GRIK5: variants seen among roughly 807,000 people sequenced by gnomAD.
GRIK5 encodes the protein glutamate receptor ionotropic, kainate 5.
In GRIK5, 43 loss-of-function variants were observed where a neutral mutation model predicts 97.4. The ratio of observed to expected loss-of-function variants is 0.44; its 90% confidence interval spans 0.35 to 0.57. The LOEUF (loss-of-function observed/expected upper bound fraction) is 0.57. Ranked by LOEUF, GRIK5 falls within the 20% of genes least tolerant of loss-of-function variation. GRIK5 has a pLI of 0.01. For synonymous variants in GRIK5, 580 were observed against 583.5 expected (o/e 0.99, Z 0.09); for missense variants, 1,015 against 1,382.0 (o/e 0.73, Z 4.21).
intron 1 of GRIK5, among the ~76,000 whole-genome samples, chr19:42,066,089 C>A (rs1261887289): frequency 6.6e-6 from 1 of 152,120 alleles, no homozygotes; most frequent in East Asian, 1.9e-4. Flanking sequence ...ATGGGCACAG[C>A]TACCAAAACA....
chr19:42,000,561 T>C (rs1349806137), intron 19 of GRIK5, among the ~76,000 whole-genome samples: 3 of 152,138 alleles, frequency 2.0e-5, no homozygotes, highest in African/African-American at 4.8e-5. Context: ...CTATCAGATA[T>C]CCAAGTGGAG....
chr19:42,065,161 G>A lies in GRIK5; in HGVS notation c.244+62C>T, dbSNP rs2076312729. 2 of 1,448,650 alleles carry A rather than the reference G, an allele frequency of 1.4e-6. No homozygotes were observed. Among genetic ancestry groups the A allele is most frequent in the Admixed American group, 3.6e-5 (2 of 55,826 alleles). The allele number at this position is 1,448,650 out of a possible 1,614,324, so 89.7% of individuals were successfully genotyped here. A position where few individuals can be genotyped will look rare whatever the true frequency, so the allele number is the denominator to read the frequency against. On this transcript the variant is annotated intron_variant, in intron 3 of 19. Transcript: ENST00000593562. The surrounding 1 kb of genome is among the most constrained non-coding windows in gnomAD (Gnocchi z 5.8). ...GGCCAGGCCAGAGGCCAGGGGCAGA[G>A]GGATGGACTGAGGGCCACCGACCTG...
Position 42,002,368 on chromosome 19 carries a change from TAAAG to T in GRIK5, c.2514+960_2514+963del. 2 of 717,478 alleles carry T rather than the reference TAAAG, an allele frequency of 2.8e-6. No individual in the cohort carries two copies. The highest frequency in any genetic ancestry group is 2.7e-5 in the East Asian group (1 of 37,284). 44.4% of individuals were successfully genotyped at this position (717,478 alleles called of 1,614,324 possible). A position where few individuals can be genotyped will look rare whatever the true frequency, so the allele number is the denominator to read the frequency against. ...TTGTACGTTGGTGGCCTGAATCCAA[TAAAG>T]AGAGGACAACTGATGCTGCAGGAGG... is the stretch of plus-strand genomic sequence containing the variant. On this transcript the variant is annotated intron_variant, in intron 19 of 19. Transcript: ENST00000593562. The surrounding 1 kb of genome is among the most constrained non-coding windows in gnomAD (Gnocchi z 5.2).
At chr19:42,067,250 C>T (rs944287030) in intron 1 of GRIK5, among the ~76,000 whole-genome samples, 2 of 152,152 alleles carry the variant, frequency 1.3e-5, no homozygotes, top group African/African-American at 2.4e-5. Flanking sequence ...ATGAGAACTT[C>T]GAGGGAAGGA....
At chr19:42,026,611 C>T (rs184327296) in intron 12 of GRIK5, among the ~76,000 whole-genome samples, 1 of 150,962 alleles carries the variant, frequency 6.6e-6, no homozygotes, top group African/African-American at 2.4e-5. Flanking sequence ...ACTTGTCACC[C>T]AGGCTGGAGT....
intron 12 of GRIK5, among the ~76,000 whole-genome samples, chr19:42,025,212 G>C (rs1166775831): frequency 6.6e-6 from 1 of 152,160 alleles, no homozygotes; most frequent in Non-Finnish European, 1.5e-5. Context: ...GTTTTCCCCA[G>C]AGTAGACTGG....
intron 12 of GRIK5, among the ~76,000 whole-genome samples, chr19:42,034,550 C>T (rs1001370312): frequency 2.0e-5 from 3 of 152,068 alleles, no homozygotes; most frequent in African/African-American, 7.2e-5. Context: ...CACTCTTCCC[C>T]AGATCCATCC....
intron 1 of GRIK5, chr19:42,068,790 G>T: frequency 1.7e-6 from 1 of 581,980 alleles, no homozygotes; most frequent in Non-Finnish European, 3.1e-6. Context: ...CACAGGAAAT[G>T]GGGGCTCAAA....
chr19:42,032,857 C>A (rs2075855476), intron 12 of GRIK5, among the ~76,000 whole-genome samples: 1 of 152,196 alleles, frequency 6.6e-6, no homozygotes, highest in African/African-American at 2.4e-5. Context: ...ACCAAGGCAA[C>A]ATCTTCTCTC....
intron 12 of GRIK5, among the ~76,000 whole-genome samples, chr19:42,035,067 C>G (rs1369334462): frequency 6.6e-6 from 1 of 152,178 alleles, no homozygotes; most frequent in African/African-American, 2.4e-5. Flanking sequence ...CAACCTCTGC[C>G]TCCCAGGTTC....
At chr19:42,030,763 A>C (rs2075832139) in intron 12 of GRIK5, among the ~76,000 whole-genome samples, 1 of 152,134 alleles carries the variant, frequency 6.6e-6, no homozygotes, top group South Asian at 2.1e-4. Flanking sequence ...TGCATCTGGC[A>C]ACCGGCGCTG....
chr19:42,010,111 G>C (rs1599752018), intron 15 of GRIK5, among the ~76,000 whole-genome samples: 1 of 148,552 alleles, frequency 6.7e-6, no homozygotes, highest in African/African-American at 2.5e-5. Context: ...AACTGCAATA[G>C]AATCTATCCA....
At chr19:42,009,319 T>C (rs1013528576) in intron 15 of GRIK5, among the ~76,000 whole-genome samples, 3 of 152,044 alleles carry the variant, frequency 2.0e-5, no homozygotes, top group Admixed American at 6.6e-5. Context: ...CTCGACTCAC[T>C]GCAACCTCCG....
chr19:42,018,565 A>G (rs1164570424), intron 15 of GRIK5, among the ~76,000 whole-genome samples: 1 of 148,616 alleles, frequency 6.7e-6, no homozygotes, highest in Non-Finnish European at 1.5e-5. Flanking sequence ...AGGCTGTGGC[A>G]GGAGAATCAC....
intron 11 of GRIK5, among the ~76,000 whole-genome samples, chr19:42,049,711 G>C (rs1050602403): frequency 2.6e-5 from 4 of 152,200 alleles, no homozygotes; most frequent in Non-Finnish European, 5.9e-5. Flanking sequence ...TCAGTGAGAA[G>C]TAACACGATT....
rs541200317 is a variant in GRIK5, at chr19:42,047,987, A to G, written c.1270-5232T>C. On this transcript the variant is annotated intron_variant, in intron 11 of 19. Transcript: ENST00000593562. The stretch of plus-strand genomic sequence containing the variant: ...GACTCTGTCTCAAAAAAAAAAAAAA[A>G]AAAAAGAAAAAAATGTATTTTGACT... Among the ~76,000 whole-genome samples, 181 of 151,720 alleles carry G rather than the reference A, an allele frequency of 1.2e-3. 1 individual carries two copies. The highest frequency in any genetic ancestry group is 4.4e-3 in the South Asian group (21 of 4,822).
At chr19:42,033,688 C>T (rs1437146620) in intron 12 of GRIK5, among the ~76,000 whole-genome samples, 1 of 151,990 alleles carries the variant, frequency 6.6e-6, no homozygotes, top group Non-Finnish European at 1.5e-5. Context: ...TAAATTTCAC[C>T]TCAGTAAAAA....
chr19:42,044,211 T>A (rs2076015484), intron 11 of GRIK5, among the ~76,000 whole-genome samples: 1 of 152,136 alleles, frequency 6.6e-6, no homozygotes, highest in Non-Finnish European at 1.5e-5. Flanking sequence ...TCCCAAGGCC[T>A]CCCCAGCCAT....
intron 12 of GRIK5, among the ~76,000 whole-genome samples, chr19:42,038,840 T>G (rs955861129): frequency 5.9e-5 from 9 of 152,212 alleles, no homozygotes; most frequent in African/African-American, 2.2e-4. Context: ...ACTATTCCTG[T>G]GCAGCTCGGC....
Sources: gnomAD v4.1 joint callset for allele counts (sites outside exome capture counted in the v4.1 genomes callset) on GRCh38, gnomAD v4.1.1 for gene constraint, Gnocchi (gnomAD v3.1) non-coding constraint, MANE v1.5 for transcripts, NCBI Gene and HGNC (gene_info 2026-07-23, HGNC 2026-07-21) for gene names.